Variants in CLASP1 observed in about 807,000 individuals in gnomAD.
The protein encoded by CLASP1 is CLIP-associating protein 1.
A neutral mutation model predicts 192.3 loss-of-function variants in CLASP1; 38 were observed. That is an observed-to-expected ratio of 0.20 (90% CI 0.15 to 0.26). The LOEUF is 0.26. CLASP1 is among the 10% of genes least tolerant of loss of function. The pLI, the probability that CLASP1 is intolerant of heterozygous loss-of-function variation, is 1.00. For missense variants in CLASP1, 1,433 were observed against 1,932.5 expected, an observed-to-expected ratio of 0.74 and a Z score of 4.85; for synonymous variants, 691 against 712.8, an observed-to-expected ratio of 0.97 and a Z score of 0.49.
In CLASP1 at chr2:121,554,454, T is replaced by TGA. The variant is rs1267634125; in HGVS notation, c.196-24130_196-24129insTC. On this transcript the variant is annotated intron_variant, in intron 2 of 39. Coordinates refer to ENST00000263710, the Ensembl canonical transcript of CLASP1. Reference sequence around the variant, plus strand: ...AGGAAGACCCTGCCTCTACAAAAAGTAAAAAAAAAAAAAAAAAAAAAAAAA... The same window carrying TGA: ...AGGAAGACCCTGCCTCTACAAAAAGTGAAAAAAAAAAAAAAAAAAAAAAAAAA... Among the ~76,000 whole-genome samples the TGA allele has an allele frequency of 8.0e-5, 7 of 87,534 alleles. No individual in the cohort carries two copies. The East Asian group carries it at 2.3e-3, about 29-fold the overall frequency. 57.4% of individuals were successfully genotyped at this position (87,534 alleles called of 152,430 possible).
intron 3 of CLASP1, among the ~76,000 whole-genome samples, chr2:121,529,469 G>C (rs1028696909): frequency 2.0e-5 from 3 of 152,196 alleles, no homozygotes; most frequent in Admixed American, 1.3e-4. Flanking sequence ...CGGTGCTCAT[G>C]ACCTTTTCAG....
At chr2:121,646,554 A>G (rs1476924714) in intron 1 of CLASP1, among the ~76,000 whole-genome samples, 4 of 152,264 alleles carry the variant, frequency 2.6e-5, no homozygotes, top group Admixed American at 2.0e-4. Flanking sequence ...TAACATTTGT[A>G]ATCACTTAAA....
exon 37 of CLASP1, chr2:121,363,264 C>T: frequency 6.2e-7 from 1 of 1,613,818 alleles, no homozygotes; most frequent in Non-Finnish European, 8.5e-7. Context: ...CTCAGAATTT[C>T]CCTCAAAACT....
intron 38 of CLASP1, 71 bp from the exon 40 acceptor site, chr2:121,347,225 A>T (rs547324763): frequency 9.6e-7 from 1 of 1,039,434 alleles, no homozygotes; most frequent in Non-Finnish European, 1.5e-6. Flanking sequence ...CATCTCATCA[A>T]CGTTTCCACA....
In CLASP1 at chr2:121,492,389, C is replaced by CAAA. The variant is rs761378692; in HGVS notation, c.712+10775_712+10777dup. ...GGGCGACAGAGCGAGACTCCCTCTC[C>CAAA]AAAAAAAAAAAAAAAAAAAAAAAAA... is the stretch of plus-strand genomic sequence containing the variant. On this transcript the variant is annotated intron_variant, in intron 8 of 39. Transcript: ENST00000263710. Among the ~76,000 whole-genome samples, 208 of 37,870 alleles carry CAAA rather than the reference C, an allele frequency of 5.5e-3. 3 individuals carry two copies. The highest frequency in any genetic ancestry group is 0.02 in the African/African-American group (172 of 8,408). The allele number at this position is 37,870 out of a possible 152,430, so 24.8% of individuals were successfully genotyped here.
At chr2:121,598,326 T>C (rs1046022104) in intron 2 of CLASP1, among the ~76,000 whole-genome samples, 1 of 152,232 alleles carries the variant, frequency 6.6e-6, no homozygotes, top group Non-Finnish European at 1.5e-5. Context: ...GAATTCAAAC[T>C]GATCCCAATA....
At chr2:121,415,714 T>C (rs888298440) in intron 23 of CLASP1, among the ~76,000 whole-genome samples, 2 of 152,172 alleles carry the variant, frequency 1.3e-5, no homozygotes, top group Non-Finnish European at 2.9e-5. Flanking sequence ...TTTATAGGTT[T>C]AACAAAATAA....
chr2:121,430,217 A>G, intron 19 of CLASP1, 40 bp from the exon 20 acceptor site: 1 of 1,439,740 alleles, frequency 6.9e-7, no homozygotes, highest in Non-Finnish European at 9.6e-7. Flanking sequence ...CAACATTTCC[A>G]GTAAGTGCCA....
At chr2:121,513,585 C>A (rs1559484203) in intron 7 of CLASP1, among the ~76,000 whole-genome samples, 1 of 152,138 alleles carries the variant, frequency 6.6e-6, no homozygotes, top group Non-Finnish European at 1.5e-5. Flanking sequence ...CACCCCCAGG[C>A]TTACTGGTTC....
intron 7 of CLASP1, among the ~76,000 whole-genome samples, chr2:121,510,924 A>G (rs2094113902): frequency 6.6e-6 from 1 of 152,204 alleles, no homozygotes; most frequent in Non-Finnish European, 1.5e-5. Flanking sequence ...CCTGCCGAGA[A>G]AGGTGAAGCA....
At chr2:121,570,853 G>A (rs1487605299) in intron 2 of CLASP1, among the ~76,000 whole-genome samples, 2 of 152,090 alleles carry the variant, frequency 1.3e-5, no homozygotes, top group Admixed American at 6.5e-5. Flanking sequence ...AAGGAAACAA[G>A]GAATATTCCT....
intron 37 of CLASP1, among the ~76,000 whole-genome samples, chr2:121,350,534 G>T (rs977948359): frequency 6.6e-6 from 1 of 152,164 alleles, no homozygotes; most frequent in Non-Finnish European, 1.5e-5. Flanking sequence ...TCCAGAAGAC[G>T]CTCGGCTTCA....
chr2:121,340,872 T>A, exon 40 of CLASP1: 1 of 1,611,544 alleles, frequency 6.2e-7, no homozygotes, highest in Middle Eastern at 1.9e-4. Flanking sequence ...TAGCTGTGCG[T>A]GGAGACATCG....
chr2:121,572,341 T>C (rs2060055931), intron 2 of CLASP1, among the ~76,000 whole-genome samples: 1 of 152,094 alleles, frequency 6.6e-6, no homozygotes, highest in Admixed American at 6.5e-5. Flanking sequence ...GGCAGGAGAA[T>C]GGCATGAACC....
At chr2:121,513,412 T>C (rs2150334525) in intron 7 of CLASP1, among the ~76,000 whole-genome samples, 1 of 152,262 alleles carries the variant, frequency 6.6e-6, no homozygotes, top group Non-Finnish European at 1.5e-5. Context: ...CAAGTTCTTT[T>C]GTAGCGCCTT....
intron 7 of CLASP1, among the ~76,000 whole-genome samples, chr2:121,515,251 A>G (rs557129742): frequency 2.6e-5 from 4 of 152,364 alleles, no homozygotes; most frequent in East Asian, 1.9e-4. Context: ...TTCCAAAATT[A>G]TAACTTATGA....
chr2:121,642,228 G>C (rs2072228985), intron 1 of CLASP1, among the ~76,000 whole-genome samples: 1 of 151,396 alleles, frequency 6.6e-6, no homozygotes, highest in South Asian at 2.1e-4. Context: ...GACCAGCCTG[G>C]GCAACATAGT....
chr2:121,350,291 T>C (rs533571948), intron 37 of CLASP1, among the ~76,000 whole-genome samples: 36 of 152,316 alleles, frequency 2.4e-4, no homozygotes, highest in African/African-American at 7.9e-4. Flanking sequence ...GACAGGCCCA[T>C]GGAAACAGCA....
At chr2:121,462,244 CTTT>C (rs969569850) in intron 10 of CLASP1, among the ~76,000 whole-genome samples, 1 of 151,462 alleles carries the variant, frequency 6.6e-6, no homozygotes, top group Non-Finnish European at 1.5e-5. Context: ...AATAAATATA[CTTT>C]TTTTATTCTC....
Sources: gnomAD v4.1 joint callset for allele counts (sites outside exome capture counted in the v4.1 genomes callset) on GRCh38, gnomAD v4.1.1 for gene constraint, MANE v1.5 for transcripts, NCBI Gene and HGNC (gene_info 2026-07-23, HGNC 2026-07-21) for gene names.